Variants in CLIC6 observed in about 807,000 individuals in gnomAD.
The protein encoded by CLIC6 is chloride intracellular channel protein 6.
CLIC6 carries 39 observed loss-of-function variants against 49.2 expected under a neutral mutation model. The observed-to-expected ratio is 0.79, with a 90% confidence interval of 0.61 to 1.04. The LOEUF (loss-of-function observed/expected upper bound fraction) is 1.04. Among genes scored for constraint, CLIC6 ranks in the 50% least tolerant of loss-of-function variants. The pLI is 0.00. For missense variants in CLIC6, 988 were observed against 993.1 expected (o/e 0.99, Z 0.07); for synonymous variants, 446 against 433.4 (o/e 1.03, Z -0.36).
chr21:34,703,646 G>C (rs962494019), intron 1 of CLIC6, among the ~76,000 whole-genome samples: 16 of 152,276 alleles, frequency 1.1e-4, no homozygotes, highest in African/African-American at 3.6e-4. Flanking sequence ...GAGCCGGCAG[G>C]AGAGTCTGTA....
chr21:34,670,287 G>A lies in CLIC6; in HGVS notation c.899G>A (p.Gly300Glu), dbSNP rs1989526477. The A allele has an allele frequency of 6.2e-6, 9 of 1,443,832 alleles. No homozygotes were observed. The Admixed American group carries it at 1.9e-4, about 31-fold the overall frequency. 89.4% of individuals were successfully genotyped at this position (1,443,832 alleles called of 1,614,324 possible). A position where few individuals can be genotyped will look rare whatever the true frequency, so the allele number is the denominator to read the frequency against. ...GTCTCGGGTGAGCCGCAGCAATCGG[G>A]GGACGGCAGCCTCTCGCCCCAGGCC... Reference protein sequence around the residue: ...RRVSGEPQQSGDGSLSPQAEA... With the variant: ...RRVSGEPQQSEDGSLSPQAEA... Residue 300 changes from glycine (G) to glutamate (E), a missense_variant, in exon 1 of 6, where the codon GGG becomes GAG. Physicochemically the swap from Gly to Glu is moderately conservative, Grantham distance 98. Transcript: ENST00000349499.
At chr21:34,676,473 G>A (rs75100905) in intron 1 of CLIC6, among the ~76,000 whole-genome samples, 3,756 of 152,336 alleles carry the variant, frequency 0.025, 157 homozygotes, top group African/African-American at 0.085. Context: ...GGGCAATGTA[G>A]TACATTATGT....
chr21:34,671,977 G>A (rs564516403), intron 1 of CLIC6, among the ~76,000 whole-genome samples: 11 of 152,128 alleles, frequency 7.2e-5, no homozygotes, highest in South Asian at 6.2e-4. Context: ...GAGCTGGAGC[G>A]CAGTGCTGCT....
intron 1 of CLIC6, among the ~76,000 whole-genome samples, chr21:34,699,242 ATGTTT>A (rs574541220): frequency 5.1e-4 from 78 of 151,994 alleles, no homozygotes; most frequent in African/African-American, 1.5e-3. Context: ...GGTAGCTGTC[ATGTTT>A]TGTTTTGTTT....
rs1392239274 is a variant in CLIC6, at chr21:34,718,020, A to G, written c.*1538A>G. ...CGTTTTTGGAGATTGGGTCTAGCAC[A>G]TGTCACCCTTGTCCACGTTGTTTCA... On this transcript the variant is annotated 3_prime_UTR_variant, in exon 6 of 6. Coordinates refer to ENST00000349499, the MANE Select transcript of CLIC6 (RefSeq NM_053277.3). 1.3e-5 allele frequency: 2 copies of G among 152,634 alleles called. No individual in the cohort carries two copies. Among genetic ancestry groups the G allele is most frequent in the Non-Finnish European group, 2.9e-5 (2 of 68,038 alleles). 9.5% of individuals were successfully genotyped at this position (152,634 alleles called of 1,614,324 possible).
chr21:34,672,291 G>T (rs1192082473), intron 1 of CLIC6, among the ~76,000 whole-genome samples: 1 of 152,230 alleles, frequency 6.6e-6, no homozygotes. Flanking sequence ...CCTTTGTGAT[G>T]TTATTTCTGC....
In CLIC6 at chr21:34,716,594, G is replaced by T. The variant is rs548719939; in HGVS notation, c.*112G>T. Reference sequence around the variant, plus strand: ...AATTCCTTCAATTTTTAAAAAACTGGTCTCTGAGAGTTTTTTAAATCATTG... The same window carrying T: ...AATTCCTTCAATTTTTAAAAAACTGTTCTCTGAGAGTTTTTTAAATCATTG... On this transcript the variant is annotated 3_prime_UTR_variant, in exon 6 of 6. Coordinates refer to ENST00000349499, the MANE Select transcript of CLIC6 (RefSeq NM_053277.3). The T allele has an allele frequency of 2.7e-6, 2 of 750,556 alleles. No homozygotes were observed. The highest frequency in any genetic ancestry group is 2.6e-5 in the South Asian group (1 of 38,406). 46.5% of individuals were successfully genotyped at this position (750,556 alleles called of 1,614,324 possible). A position where few individuals can be genotyped will look rare whatever the true frequency, so the allele number is the denominator to read the frequency against.
chr21:34,678,182 A>G (rs1989709304), intron 1 of CLIC6, among the ~76,000 whole-genome samples: 1 of 151,972 alleles, frequency 6.6e-6, no homozygotes, highest in African/African-American at 2.4e-5. Flanking sequence ...CTGTAATCCC[A>G]GCACTTTGGG....
chr21:34,673,816 T>G (rs1989614152), intron 1 of CLIC6, among the ~76,000 whole-genome samples: 1 of 152,320 alleles, frequency 6.6e-6, no homozygotes, highest in Admixed American at 6.5e-5. Flanking sequence ...ATCTGGAAAT[T>G]AGTTCAGAAT....
In CLIC6 at chr21:34,716,557, A is replaced by C; in HGVS notation, c.*75A>C. The C allele has an allele frequency of 2.4e-6, 3 of 1,273,672 alleles. No individual in the cohort carries two copies. The highest frequency in any genetic ancestry group is 1.1e-6 in the Non-Finnish European group (1 of 949,422). The allele number at this position is 1,273,672 out of a possible 1,614,324, so 78.9% of individuals were successfully genotyped here. On this transcript the variant is annotated 3_prime_UTR_variant, in exon 6 of 6. Transcript: ENST00000349499. ...AAAACAGTGTGTTTGAAAACAAATT[A>C]GGTTTGGGTTCAATTCCTTCAATTT...
In CLIC6 at chr21:34,707,312, C is replaced by T. The variant is rs1490701659; in HGVS notation, c.1407C>T (p.Cys469=). ...ATGATGGTGAGAGTATCGGAAATTG[C>T]CCGTTTTCTCAGCGTCTCTTTATGA... ...AGYDGESIGN[C]PFSQRLFMIL... is the part of the protein sequence containing the mutation. Residue 469 remains cysteine, a synonymous_variant, in exon 2 of 6, where the codon TGC becomes TGT. Transcript: ENST00000349499. 6.2e-7 allele frequency: 1 copy of T among 1,614,028 alleles called. No individual in the cohort carries two copies. The highest frequency in any genetic ancestry group is 8.5e-7 in the Non-Finnish European group (1 of 1,179,942).
At chr21:34,707,467 A>ACACACG (rs1412540343) in intron 2 of CLIC6, 78 bp downstream of exon 2, 1 of 931,540 alleles carries the variant, frequency 1.1e-6, no homozygotes, top group Non-Finnish European at 1.7e-6. Flanking sequence ...ACACACACAC[A>ACACACG]CACCTGAGGC....
In CLIC6 at chr21:34,708,736, T is replaced by C. The variant is rs1274782698; in HGVS notation, c.1647T>C (p.Asn549=). 6.2e-7 allele frequency: 1 copy of C among 1,614,050 alleles called. No homozygotes were observed. The highest frequency in any genetic ancestry group is 8.5e-7 in the Non-Finnish European group (1 of 1,179,996). ...TGGGGACCCAACATCCCGAATCTAA[T>C]TCCGCAGGAAATGACGTGTTTGCCA... is the stretch of plus-strand genomic sequence containing the variant. The part of the protein sequence containing the change: ...PKLGTQHPES[N]SAGNDVFAKF... The change falls in exon 4 of 6, where the codon AAT becomes AAC. Residue 549 remains asparagine (N), a synonymous_variant. Coordinates refer to ENST00000349499, the MANE Select transcript of CLIC6 (RefSeq NM_053277.3).
intron 1 of CLIC6, among the ~76,000 whole-genome samples, chr21:34,676,481 T>G (rs1028597697): frequency 6.6e-6 from 1 of 152,266 alleles, no homozygotes; most frequent in Non-Finnish European, 1.5e-5. Context: ...TAGTACATTA[T>G]GTCTGTAGCA....
chr21:34,711,546 A>C (rs936239290), intron 5 of CLIC6, among the ~76,000 whole-genome samples: 1 of 52,814 alleles, frequency 1.9e-5, no homozygotes, highest in Non-Finnish European at 4.1e-5. Context: ...TAAATAAATA[A>C]ATAAATAAAT....
chr21:34,704,690 T>C (rs1304715347), intron 1 of CLIC6, among the ~76,000 whole-genome samples: 2 of 152,216 alleles, frequency 1.3e-5, no homozygotes, highest in East Asian at 3.8e-4. Context: ...TTTAAGTTTT[T>C]ACTGAGTTGG....
chr21:34,690,844 G>A (rs1390906488), intron 1 of CLIC6, among the ~76,000 whole-genome samples: 3 of 140,374 alleles, frequency 2.1e-5, no homozygotes, highest in African/African-American at 7.9e-5. Flanking sequence ...GGGTGGGAAA[G>A]GAGTTATAAT....
chr21:34,701,874 G>A (rs1268471499), intron 1 of CLIC6, among the ~76,000 whole-genome samples: 1 of 151,942 alleles, frequency 6.6e-6, no homozygotes, highest in Non-Finnish European at 1.5e-5. Context: ...GGGCACAGAA[G>A]GCAGCCTGGC....
chr21:34,697,613 T>C (rs1196673715), intron 1 of CLIC6, among the ~76,000 whole-genome samples: 3 of 152,196 alleles, frequency 2.0e-5, no homozygotes, highest in East Asian at 3.8e-4. Context: ...ATAAGGCTTT[T>C]ATCTGGGCAG....
Sources: gnomAD v4.1 joint callset for allele counts (sites outside exome capture counted in the v4.1 genomes callset) on GRCh38, gnomAD v4.1.1 for gene constraint, MANE v1.5 for transcripts, NCBI Gene and HGNC (gene_info 2026-07-23, HGNC 2026-07-21) for gene names.